The following ABCB5 variants were observed in gnomAD, a reference collection of about 807,000 sequenced individuals.
ABCB5 encodes ATP binding cassette subfamily B member 5, also known as ATP-binding cassette sub-family B member 5.
ABCB5 carries 155 observed loss-of-function variants against 144.2 expected under a neutral mutation model. The observed-to-expected ratio is 1.08, with a 90% CI of 0.94 to 1.23. The LOEUF is 1.23. ABCB5 is among the 50% of genes most tolerant of loss of function. ABCB5 has a pLI of 0.00. For synonymous variants in ABCB5, 610 were observed against 528.6 expected, an observed-to-expected ratio of 1.15 and a Z score of -2.11; for missense variants, 1,830 against 1,520.8, an observed-to-expected ratio of 1.20 and a Z score of -3.38.
Position 20,728,296 on chromosome 7 carries a change from T to C in ABCB5, c.2727-19T>C, listed in dbSNP as rs745835547. 5.6e-6 allele frequency: 9 copies of C among 1,611,846 alleles called. No individual in the cohort carries two copies. In the South Asian group the frequency reaches 9.9e-5, roughly 18 times the overall value. ...CTATAATTCATGCCTCATTATTTGG[T>C]AAATTTTGTACATTCCAGAAATACC... On this transcript the variant is annotated intron_variant, in intron 22 of 27. Transcript: ENST00000404938.
At chr7:20,629,824 T>A (rs1456242633) in intron 4 of ABCB5, among the ~76,000 whole-genome samples, 1 of 152,072 alleles carries the variant, frequency 6.6e-6, no homozygotes, top group African/African-American at 2.4e-5. Context: ...TATGATCAAA[T>A]CTTTCAGTTT....
At chr7:20,667,529 T>A (rs918315408) in intron 14 of ABCB5, 13 of 978,350 alleles carry the variant, frequency 1.3e-5, no homozygotes, top group Non-Finnish European at 1.5e-5. Context: ...CTCTCTTTTA[T>A]ATTTTCTAAT....
intron 13 of ABCB5, among the ~76,000 whole-genome samples, chr7:20,654,282 A>C (rs1000572148): frequency 6.6e-6 from 1 of 152,184 alleles, no homozygotes; most frequent in Non-Finnish European, 1.5e-5. Context: ...AAAACCAGAC[A>C]TGCAAAGAAA....
At chr7:20,719,677 G>C (rs1238663869) in intron 20 of ABCB5, among the ~76,000 whole-genome samples, 1 of 152,200 alleles carries the variant, frequency 6.6e-6, no homozygotes, top group Non-Finnish European at 1.5e-5. Context: ...AGCAGGGTGA[G>C]GAGGGTGTTC....
chr7:20,736,635 T>C (rs1208505248), intron 23 of ABCB5, among the ~76,000 whole-genome samples: 1 of 152,248 alleles, frequency 6.6e-6, no homozygotes, highest in Non-Finnish European at 1.5e-5. Flanking sequence ...TGTACATTTC[T>C]CCCAGTTAGG....
At chr7:20,728,808 T>A (rs1782121445) in intron 23 of ABCB5, among the ~76,000 whole-genome samples, 1 of 151,828 alleles carries the variant, frequency 6.6e-6, no homozygotes, top group Non-Finnish European at 1.5e-5. Context: ...TGTAAGGGGG[T>A]CATGTACTTA....
intron 14 of ABCB5, chr7:20,667,695 GC>G (rs1378826824): frequency 8.0e-6 from 1 of 125,646 alleles, no homozygotes; most frequent in Admixed American, 7.6e-5. Context: ...CCCTGCCCCT[GC>G]CCCTGCCCCT....
chr7:20,733,329 A>C lies in ABCB5; in HGVS notation c.2867+4874A>C, dbSNP rs540442564. On this transcript the variant is annotated intron_variant, in intron 23 of 27. Coordinates refer to ENST00000404938, the MANE Select transcript of ABCB5 (RefSeq NM_001163941.2). ...GGCTGATTCCTCACATATAAATGGA[A>C]CAGGTGACCTGCTTAGTGCTATTTT... 2.0e-5 allele frequency among the ~76,000 whole-genome samples: 3 copies of C among 152,302 alleles called. No homozygotes were observed. In the South Asian group the frequency reaches 6.2e-4, roughly 32 times the overall value.
chr7:20,731,389 T>C lies in ABCB5; in HGVS notation c.2867+2934T>C, dbSNP rs924252054. On this transcript the variant is annotated intron_variant, in intron 23 of 27. Coordinates refer to ENST00000404938, the MANE Select transcript of ABCB5 (RefSeq NM_001163941.2). ...AAAAAAATATATATATATATATACA[T>C]ATAAAATTTACTGGATCCTGTTTTT... 1.3e-4 allele frequency among the ~76,000 whole-genome samples: 19 copies of C among 146,336 alleles called. 1 individual carries two copies. The highest frequency in any genetic ancestry group is 4.9e-4 in the African/African-American group (19 of 39,070).
intron 21 of ABCB5, among the ~76,000 whole-genome samples, chr7:20,726,280 T>C (rs180886207): frequency 6.6e-6 from 1 of 152,124 alleles, no homozygotes; most frequent in South Asian, 2.1e-4. Context: ...TCCTGTAATG[T>C]TCCTGAGTCC....
intron 16 of ABCB5, among the ~76,000 whole-genome samples, chr7:20,696,638 T>C (rs1419178528): frequency 6.6e-6 from 1 of 152,124 alleles, no homozygotes; most frequent in Admixed American, 6.6e-5. Context: ...AAATTTAGAA[T>C]ATTTTAGATA....
At chr7:20,690,386 G>A (rs1295966034) in intron 16 of ABCB5, among the ~76,000 whole-genome samples, 1 of 152,108 alleles carries the variant, frequency 6.6e-6, no homozygotes, top group Non-Finnish European at 1.5e-5. Context: ...TTTTGAATAC[G>A]ATGTTTCAAT....
chr7:20,643,315 C>T lies in ABCB5; in HGVS notation c.446C>T (p.Ala149Val), dbSNP rs372132207. Reference sequence around the variant, plus strand: ...AAACAGTTTTTTCATTCAGTTTTGGCACAGGACATCGGCTGGTTTGATAGC... The same window carrying T: ...AAACAGTTTTTTCATTCAGTTTTGGTACAGGACATCGGCTGGTTTGATAGC... ...IRKQFFHSVLAQDIGWFDSCD... is the reference protein window; with the variant it reads ...IRKQFFHSVLVQDIGWFDSCD... Residue 149 changes from alanine (A) to valine (V), a missense_variant, in exon 6 of 28, where the codon GCA (alanine) becomes GTA (valine). Transcript: ENST00000404938. 19 of 1,613,864 alleles carry T rather than the reference C, an allele frequency of 1.2e-5. No individual in the cohort carries two copies. Among genetic ancestry groups the T allele is most frequent in the Admixed American group, 1.7e-5 (1 of 59,978 alleles).
At chr7:20,656,425 C>T (rs58797611) in intron 13 of ABCB5, among the ~76,000 whole-genome samples, 29,226 of 151,646 alleles carry the variant, frequency 0.19, 2,993 homozygotes, top group African/African-American at 0.26. Context: ...GATGAGGAGA[C>T]AAAAAATAGA....
Position 20,646,015 on chromosome 7 carries a change from T to G in ABCB5, c.858T>G (p.Ala286=), listed in dbSNP as rs879605223. ...ATTTTGGCATAAAAAGGACTATAGC[T>G]TCAAAAGTGTCTCTTGGTGCTGTGT... ...AKDFGIKRTI[A]SKVSLGAVYF... The change falls in exon 9 of 28, where the codon GCT becomes GCG. Residue 286 remains alanine (A), a synonymous_variant. Transcript: ENST00000404938. The G allele has an allele frequency of 2.5e-6, 4 of 1,613,770 alleles. No individual in the cohort carries two copies. Among genetic ancestry groups the G allele is most frequent in the Non-Finnish European group, 3.4e-6 (4 of 1,179,818 alleles).
chr7:20,739,915 A>C (rs1211983942), intron 24 of ABCB5, among the ~76,000 whole-genome samples: 1 of 152,172 alleles, frequency 6.6e-6, no homozygotes, highest in African/African-American at 2.4e-5. Flanking sequence ...AGGGTGTATA[A>C]TTTCAAAATA....
chr7:20,623,230 A>C, intron 1 of ABCB5, 35 bp from the exon 2 acceptor site: 1 of 1,208,174 alleles, frequency 8.3e-7, no homozygotes, highest in Non-Finnish European at 1.2e-6. Context: ...TAAAAGTCAC[A>C]TAGCCATAAT....
intron 19 of ABCB5, among the ~76,000 whole-genome samples, chr7:20,702,217 T>C (rs1786653038): frequency 6.6e-6 from 1 of 152,218 alleles, no homozygotes; most frequent in South Asian, 2.1e-4. Context: ...AAAGTTAAGT[T>C]TACAATTCTT....
At chr7:20,655,684 T>A (rs1784764090) in intron 13 of ABCB5, among the ~76,000 whole-genome samples, 1 of 152,246 alleles carries the variant, frequency 6.6e-6, no homozygotes, top group Non-Finnish European at 1.5e-5. Flanking sequence ...AGTACCTTAT[T>A]CATTGATTTA....
Sources: gnomAD v4.1 joint callset for allele counts (sites outside exome capture counted in the v4.1 genomes callset) on GRCh38, gnomAD v4.1.1 for gene constraint, MANE v1.5 for transcripts, NCBI Gene and HGNC (gene_info 2026-07-23, HGNC 2026-07-21) for gene names.